The following SHROOM3 variants were observed in gnomAD, a reference collection of about 807,000 sequenced individuals.
The protein encoded by SHROOM3 is shroom family member 3, also known as protein Shroom3.
SHROOM3 carries 47 observed loss-of-function variants against 138.6 expected under a neutral mutation model. That is an observed-to-expected ratio of 0.34 (90% CI 0.27 to 0.43). The LOEUF (loss-of-function observed/expected upper bound fraction) is 0.43. Among genes scored for constraint, SHROOM3 ranks in the 20% least tolerant of loss-of-function variants. The pLI is 1.00. For synonymous variants in SHROOM3, 1,062 were observed against 1,063.3 expected, an observed-to-expected ratio of 1.00 and a Z score of 0.02; for missense variants, 2,491 against 2,596.5, an observed-to-expected ratio of 0.96 and a Z score of 0.88.
chr4:76,567,532 C>A (rs1166741809), intron 2 of SHROOM3, among the ~76,000 whole-genome samples: 1 of 152,108 alleles, frequency 6.6e-6, no homozygotes, highest in Admixed American at 6.6e-5. Context: ...CGCCTGTAGT[C>A]CCAGCTACTT....
intron 1 of SHROOM3, among the ~76,000 whole-genome samples, chr4:76,525,249 C>A (rs1732665043): frequency 6.6e-6 from 1 of 152,142 alleles, no homozygotes; most frequent in Admixed American, 6.5e-5. Context: ...GAAGCAGGCA[C>A]CTTCTTCACA....
At chr4:76,463,717 T>A (rs28762776) in intron 1 of SHROOM3, among the ~76,000 whole-genome samples, 1 of 152,224 alleles carries the variant, frequency 6.6e-6, no homozygotes, top group Admixed American at 6.5e-5. Flanking sequence ...ACCTGGCACC[T>A]TGCACTGTGG....
chr4:76,653,175 T>C (rs1263053421), intron 2 of SHROOM3, among the ~76,000 whole-genome samples: 1 of 152,206 alleles, frequency 6.6e-6, no homozygotes, highest in East Asian at 1.9e-4. Flanking sequence ...TGATCATTTC[T>C]GCCACTTGTA....
rs1383921359 is a variant in SHROOM3 at position 76,729,495 on chromosome 4, G to T, written c.456-1309G>T. On this transcript the variant is annotated intron_variant, in intron 3 of 10. Transcript: ENST00000296043. ...TTCCTATCACCCTAATCTCTAAGGA[G>T]TTGAAGTATATGTTTGTGTTTTGTT... 3.9e-5 allele frequency among the ~76,000 whole-genome samples: 6 copies of T among 152,212 alleles called. No individual in the cohort carries two copies. In the East Asian group the frequency reaches 9.6e-4, roughly 24 times the overall value.
chr4:76,663,922 G>A (rs562919251), intron 2 of SHROOM3, among the ~76,000 whole-genome samples: 46 of 152,240 alleles, frequency 3.0e-4, no homozygotes, highest in Non-Finnish European at 5.9e-4. Flanking sequence ...GTCTCTGTAG[G>A]AACTTGAGTC....
rs1721829122 is a variant in SHROOM3, at chr4:76,756,767, C to T, written c.5028C>T (p.Val1676=). The change falls in exon 8 of 11, where the codon GTC becomes GTT. Residue 1676 remains valine, a synonymous_variant. Transcript: ENST00000296043. ...IRTEALAKEI[V]HQDKSLADIL... Reference sequence around the variant, plus strand: ...CAGAGGCTTTGGCCAAGGAAATTGTCCACCAAGACAAATCTCTAGCAGACA... The same window carrying T: ...CAGAGGCTTTGGCCAAGGAAATTGTTCACCAAGACAAATCTCTAGCAGACA... 1 of 1,614,016 alleles carries T rather than the reference C, an allele frequency of 6.2e-7. No homozygotes were observed. The highest frequency in any genetic ancestry group is 8.5e-7 in the Non-Finnish European group (1 of 1,180,040).
At chr4:76,635,530 A>G (rs1009847080) in intron 2 of SHROOM3, among the ~76,000 whole-genome samples, 11 of 152,206 alleles carry the variant, frequency 7.2e-5, no homozygotes, top group Non-Finnish European at 1.6e-4. Flanking sequence ...CAGACCTACC[A>G]TTCAGGTTGT....
At chr4:76,572,878 C>T (rs1733860129) in intron 2 of SHROOM3, among the ~76,000 whole-genome samples, 1 of 151,914 alleles carries the variant, frequency 6.6e-6, no homozygotes, top group African/African-American at 2.4e-5. Flanking sequence ...GTCAGGAGTT[C>T]GAGACCAGCC....
At chr4:76,583,901 G>A (rs1734097454) in intron 2 of SHROOM3, among the ~76,000 whole-genome samples, 1 of 152,166 alleles carries the variant, frequency 6.6e-6, no homozygotes, top group South Asian at 2.1e-4. Context: ...GTTCAATCTA[G>A]TATTACTAAA....
intron 4 of SHROOM3, among the ~76,000 whole-genome samples, chr4:76,731,375 G>A (rs188587463): frequency 7.8e-4 from 118 of 152,182 alleles, no homozygotes; most frequent in African/African-American, 2.7e-3. Context: ...TAGCTCCAAC[G>A]GCACAACTAA....
intron 1 of SHROOM3, among the ~76,000 whole-genome samples, chr4:76,534,351 A>C (rs1732903877): frequency 6.6e-6 from 1 of 152,144 alleles, no homozygotes. Context: ...AAGTCCAAAC[A>C]TATGTGTTTA....
rs879939855 is a variant in SHROOM3 at position 76,435,759 on chromosome 4, G to A, written c.-294G>A. The A allele has an allele frequency of 1.4e-4, 42 of 296,320 alleles. No individual in the cohort carries two copies. In the Admixed American group the frequency reaches 1.9e-3, roughly 13 times the overall value. The allele number at this position is 296,320 out of a possible 1,614,324, so 18.4% of individuals were successfully genotyped here. A position where few individuals can be genotyped will look rare whatever the true frequency, so the allele number is the denominator to read the frequency against. Reference sequence around the variant, plus strand: ...AAGCAATCTTCAGAGCGCCACTGAAGGAAGTTTTGACGAACGGAGTAGAGA... The same window carrying A: ...AAGCAATCTTCAGAGCGCCACTGAAAGAAGTTTTGACGAACGGAGTAGAGA... On this transcript the variant is annotated 5_prime_UTR_variant, in exon 1 of 11. Coordinates refer to ENST00000296043, the MANE Select transcript of SHROOM3 (RefSeq NM_020859.4).
At chr4:76,630,915 T>C (rs1353184300) in intron 2 of SHROOM3, among the ~76,000 whole-genome samples, 1 of 152,222 alleles carries the variant, frequency 6.6e-6, no homozygotes, top group Non-Finnish European at 1.5e-5. Flanking sequence ...GGTCATTATG[T>C]ATAATTTGTA....
chr4:76,526,844 GATCA>G (rs940923726), intron 1 of SHROOM3, among the ~76,000 whole-genome samples: 2 of 152,160 alleles, frequency 1.3e-5, no homozygotes, highest in African/African-American at 2.4e-5. Flanking sequence ...GTCTATGACA[GATCA>G]AACAATCCAC....
chr4:76,528,544 C>CTTTTTT lies in SHROOM3; in HGVS notation c.169-27062_169-27061insTTTTTT, dbSNP rs146962643. On this transcript the variant is annotated intron_variant, in intron 1 of 10. Transcript: ENST00000296043. ...GGACTTCTCTCCTTTATCTTTCTTT[C>CTTTTTT]TTTCTTTTTTTTTTTTTTGAGGCAG... Among the ~76,000 whole-genome samples, 392 of 103,344 alleles carry CTTTTTT rather than the reference C, an allele frequency of 3.8e-3. 13 individuals carry two copies. The highest frequency in any genetic ancestry group is 0.03 in the East Asian group (100 of 3,298). 67.8% of individuals were successfully genotyped at this position (103,344 alleles called of 152,430 possible).
chr4:76,759,930 T>C (rs1354910026), intron 9 of SHROOM3, among the ~76,000 whole-genome samples: 1 of 152,186 alleles, frequency 6.6e-6, no homozygotes, highest in Admixed American at 6.5e-5. Flanking sequence ...TTTTTACAAA[T>C]AACAGAAGTG....
At chr4:76,752,838 T>C (rs1027267109) in intron 6 of SHROOM3, among the ~76,000 whole-genome samples, 29 of 152,240 alleles carry the variant, frequency 1.9e-4, no homozygotes, top group African/African-American at 6.8e-4. Context: ...TATGTTTTAG[T>C]GATGTCTTCC....
chr4:76,686,542 T>A (rs1719341925), intron 2 of SHROOM3, among the ~76,000 whole-genome samples: 1 of 152,232 alleles, frequency 6.6e-6, no homozygotes, highest in Non-Finnish European at 1.5e-5. Flanking sequence ...GTGCTGAATC[T>A]AGAATTTTGA....
intron 10 of SHROOM3, among the ~76,000 whole-genome samples, chr4:76,775,538 C>T (rs187672204): frequency 6.6e-6 from 1 of 152,084 alleles, no homozygotes; most frequent in African/African-American, 2.4e-5. Context: ...AGCAGTCCCA[C>T]TACTGGGTAT....
Sources: gnomAD v4.1 joint callset for allele counts (sites outside exome capture counted in the v4.1 genomes callset) on GRCh38, gnomAD v4.1.1 for gene constraint, MANE v1.5 for transcripts, NCBI Gene and HGNC (gene_info 2026-07-23, HGNC 2026-07-21) for gene names.